STRN: variants seen among roughly 807,000 people sequenced by gnomAD.
STRN encodes the protein protein phosphatase 2 regulatory subunit B'''alpha.
Under a neutral mutation model 96.3 loss-of-function variants are expected in STRN, and 53 were observed. The observed-to-expected ratio is 0.55, with a 90% CI of 0.44 to 0.69. STRN has a LOEUF of 0.69. Among genes scored for constraint, STRN ranks in the 30% least tolerant of loss-of-function variants. STRN has a pLI of 0.00. For synonymous variants in STRN, 428 were observed against 355.9 expected (o/e 1.20, Z -2.28); for missense variants, 987 against 963.9 (o/e 1.02, Z -0.32).
rs182299789 is a variant in STRN, at chr2:36,908,199, A to C, written c.413-2581T>G. Among the ~76,000 whole-genome samples the C allele has an allele frequency of 4.3e-4, 66 of 152,296 alleles. No individual in the cohort carries two copies. In the South Asian group the frequency reaches 4.8e-3, roughly 11 times the overall value. ...TGCCATTTCAAGACTTCAGATGTTA[A>C]ATGAAGTTCTGAGGTCATTAAATCT... On this transcript the variant is annotated intron_variant, in intron 3 of 17. Transcript: ENST00000263918.
chr2:36,957,757 T>G (rs1421904651), intron 1 of STRN, among the ~76,000 whole-genome samples: 3 of 111,816 alleles, frequency 2.7e-5, no homozygotes, highest in Non-Finnish European at 3.9e-5. Context: ...TTTTTTTTTT[T>G]TTTTTTTTTT....
chr2:36,886,846 T>G lies in STRN; in HGVS notation c.932-20A>C. On this transcript the variant is annotated intron_variant, in intron 7 of 17. Transcript: ENST00000263918. The stretch of plus-strand genomic sequence containing the variant: ...CCTTTTCTAAACAGAGTGAAACAAA[T>G]GAAACAGCCTTTTTCAATAAAATAT... The G allele has an allele frequency of 6.3e-7, 1 of 1,586,184 alleles. No individual in the cohort carries two copies. Among genetic ancestry groups the G allele is most frequent in the Non-Finnish European group, 8.6e-7 (1 of 1,162,146 alleles).
At chr2:36,960,881 T>A (rs1454532899) in intron 1 of STRN, among the ~76,000 whole-genome samples, 1 of 152,032 alleles carries the variant, frequency 6.6e-6, no homozygotes, top group Non-Finnish European at 1.5e-5. Context: ...ATCCATGTAT[T>A]TTTGTTTGTT....
At chr2:36,866,483 G>A (rs1328942778) in intron 12 of STRN, among the ~76,000 whole-genome samples, 3 of 152,170 alleles carry the variant, frequency 2.0e-5, no homozygotes, top group Non-Finnish European at 4.4e-5. Context: ...TAGAATATGT[G>A]CCATGTACAA....
At chr2:36,872,935 T>C (rs146874323) in intron 10 of STRN, among the ~76,000 whole-genome samples, 4 of 152,314 alleles carry the variant, frequency 2.6e-5, no homozygotes, top group Non-Finnish European at 5.9e-5. Flanking sequence ...GTGAGCCCAA[T>C]ATTTCGGCTG....
At chr2:36,896,885 G>T (rs982080418) in intron 6 of STRN, among the ~76,000 whole-genome samples, 2 of 152,068 alleles carry the variant, frequency 1.3e-5, no homozygotes, top group African/African-American at 4.8e-5. Flanking sequence ...AGAAAAATAA[G>T]GGCCAAGTGC....
rs553921255 is a variant in STRN at position 36,917,390 on chromosome 2, G to A, written c.339-1239C>T. ...ATACAAAAATTAGCTAGGCATGGTGGTGTACCTGTAATCCCAGTTACTCGG... is the reference window on the plus strand; with the variant it reads ...ATACAAAAATTAGCTAGGCATGGTGATGTACCTGTAATCCCAGTTACTCGG... On this transcript the variant is annotated intron_variant, in intron 2 of 17. Coordinates refer to ENST00000263918, the MANE Select transcript of STRN (RefSeq NM_003162.4). 5.9e-5 allele frequency among the ~76,000 whole-genome samples: 9 copies of A among 151,808 alleles called. No homozygotes were observed. The South Asian group carries it at 1.5e-3, about 25-fold the overall frequency.
Position 36,965,625 on chromosome 2 carries a change from A to G in STRN, c.234+605T>C, listed in dbSNP as rs3770771. On this transcript the variant is annotated intron_variant, in intron 1 of 17. Transcript: ENST00000263918. Reference sequence around the variant, plus strand: ...CAAAATGCATTAATTGGAAATACCTAAAAGAAACGTGGGAGGGGGCCGGGG... The same window carrying G: ...CAAAATGCATTAATTGGAAATACCTGAAAGAAACGTGGGAGGGGGCCGGGG... 2.7e-4 allele frequency among the ~76,000 whole-genome samples: 41 copies of G among 152,330 alleles called. 1 individual carries two copies. In the East Asian group the frequency reaches 6.9e-3, roughly 26 times the overall value.
At chr2:36,882,824 C>T (rs892702977) in intron 9 of STRN, among the ~76,000 whole-genome samples, 6 of 152,094 alleles carry the variant, frequency 3.9e-5, no homozygotes. Context: ...TGTCCTCCCA[C>T]CTCAGCCTCC....
At chr2:36,909,894 C>A (rs776869082) in intron 3 of STRN, among the ~76,000 whole-genome samples, 1 of 152,018 alleles carries the variant, frequency 6.6e-6, no homozygotes, top group African/African-American at 2.4e-5. Flanking sequence ...TTTTTCAGGC[C>A]GGGCGCAGTG....
intron 1 of STRN, among the ~76,000 whole-genome samples, chr2:36,946,631 GT>G (rs1670992880): frequency 1.3e-5 from 2 of 152,106 alleles, no homozygotes; most frequent in Non-Finnish European, 2.9e-5. Flanking sequence ...TAAACAGTAG[GT>G]TTGTAAAAAG....
At chr2:36,958,015 G>C (rs1294564076) in intron 1 of STRN, among the ~76,000 whole-genome samples, 1 of 151,266 alleles carries the variant, frequency 6.6e-6, no homozygotes, top group Non-Finnish European at 1.5e-5. Context: ...CGCCTCCTGG[G>C]TTCAAGTGAT....
At position 36,886,769 on chromosome 2, in the gene STRN, G is replaced by A; in HGVS notation, c.989C>T (p.Thr330Ile). 3.1e-6 allele frequency: 5 copies of A among 1,612,958 alleles called. No individual in the cohort carries two copies. Among genetic ancestry groups the A allele is most frequent in the Non-Finnish European group, 4.2e-6 (5 of 1,179,574 alleles). ...CTTTTTGTATTGTTCCTTGAGTTTG[G>A]TAATTACTCCCTGGTCCACATTCCA... ...EAWNVDQGVI[T>I]KLKEQYKKER... The change falls in exon 8 of 18, where the codon ACC becomes ATC. Residue 330 changes from threonine (T) to isoleucine (I), a missense_variant. Physicochemically the swap from Thr to Ile is moderately conservative, Grantham distance 89 (BLOSUM62 -1). Transcript: ENST00000263918.
intron 9 of STRN, among the ~76,000 whole-genome samples, chr2:36,882,562 T>A (rs1481528156): frequency 6.6e-6 from 1 of 151,864 alleles, no homozygotes; most frequent in East Asian, 1.9e-4. Flanking sequence ...AGCCCAGGAG[T>A]TTGAGATCAG....
At chr2:36,884,211 GAATT>G (rs1193961635) in intron 8 of STRN, 136 bp from the exon 9 acceptor site, 5 of 828,544 alleles carry the variant, frequency 6.0e-6, no homozygotes, top group South Asian at 6.5e-5. Flanking sequence ...AGATTAATAA[GAATT>G]ATTTTCAAGT....
intron 7 of STRN, among the ~76,000 whole-genome samples, chr2:36,890,784 C>G (rs1015693501): frequency 1.3e-5 from 2 of 152,020 alleles, no homozygotes; most frequent in Admixed American, 1.3e-4. Flanking sequence ...GCGCCTGGCC[C>G]AGAAAACTAT....
intron 1 of STRN, among the ~76,000 whole-genome samples, chr2:36,962,310 C>T (rs1018306866): frequency 6.6e-6 from 1 of 152,178 alleles, no homozygotes; most frequent in Admixed American, 6.5e-5. Flanking sequence ...CTTTTTCATA[C>T]AACTCTAACA....
In STRN at chr2:36,843,917, A is replaced by G. The variant is rs7559644; in HGVS notation, c.*5539T>C. 1.3e-5 allele frequency: 2 copies of G among 152,200 alleles called. No homozygotes were observed. The highest frequency in any genetic ancestry group is 4.8e-5 in the African/African-American group (2 of 41,462). 9.4% of individuals were successfully genotyped at this position (152,200 alleles called of 1,614,324 possible). A position where few individuals can be genotyped will look rare whatever the true frequency, so the allele number is the denominator to read the frequency against. On this transcript the variant is annotated 3_prime_UTR_variant, in exon 18 of 18. Transcript: ENST00000263918. Reference sequence around the variant, plus strand: ...ATAAGAAACTTCTTGCACCACAAAAATTAGCATTTGGATTAATTTACATTA... The same window carrying G: ...ATAAGAAACTTCTTGCACCACAAAAGTTAGCATTTGGATTAATTTACATTA...
chr2:36,918,221 T>C (rs1670161616), intron 2 of STRN, among the ~76,000 whole-genome samples: 1 of 152,134 alleles, frequency 6.6e-6, no homozygotes, highest in Non-Finnish European at 1.5e-5. Flanking sequence ...CTATTGATCA[T>C]CAGAAGGTAA....
Sources: gnomAD v4.1 joint callset for allele counts (sites outside exome capture counted in the v4.1 genomes callset) on GRCh38, gnomAD v4.1.1 for gene constraint, MANE v1.5 for transcripts, NCBI Gene and HGNC (gene_info 2026-07-23, HGNC 2026-07-21) for gene names.